Variants in SUPT7L observed in about 807,000 individuals in gnomAD.
SUPT7L encodes the protein STAGA complex 65 subunit gamma.
Under a neutral mutation model 35.7 loss-of-function variants are expected in SUPT7L, and 15 were observed. The ratio of observed to expected loss-of-function variants is 0.42; its 90% confidence interval spans 0.28 to 0.65. The LOEUF is 0.65. Ranked by LOEUF, SUPT7L falls within the 30% of genes least tolerant of loss-of-function variation. The pLI is 0.23. For missense variants in SUPT7L, 434 were observed against 522.2 expected, an observed-to-expected ratio of 0.83 and a Z score of 1.65; for synonymous variants, 168 against 186.2, an observed-to-expected ratio of 0.90 and a Z score of 0.79.
At chr2:27,656,885 C>T (rs1370413384) in intron 4 of SUPT7L, among the ~76,000 whole-genome samples, 11 of 152,184 alleles carry the variant, frequency 7.2e-5, no homozygotes, top group Admixed American at 7.2e-4. Context: ...GCAATCCTCC[C>T]ACCTCAGCTT....
chr2:27,660,677 AT>A (rs1397324313), intron 3 of SUPT7L, among the ~76,000 whole-genome samples: 1 of 152,202 alleles, frequency 6.6e-6, no homozygotes, highest in African/African-American at 2.4e-5. Context: ...TTTATATTAA[AT>A]AGAAAGACTA....
chr2:27,647,997 T>G, downstream of SUPT7L: 1 of 983,906 alleles, frequency 1.0e-6, no homozygotes, highest in South Asian at 1.3e-5. Context: ...TATCCTCACA[T>G]TGTTTGCCCA....
At chr2:27,655,211 C>T (rs1046564340) in intron 5 of SUPT7L, among the ~76,000 whole-genome samples, 154 bp downstream of exon 5, 1 of 152,190 alleles carries the variant, frequency 6.6e-6, no homozygotes, top group Non-Finnish European at 1.5e-5. Context: ...ATGCTGGGAT[C>T]TCTAGATAGG....
At chr2:27,661,728 G>A (rs539753619) in intron 2 of SUPT7L, 269 of 767,462 alleles carry the variant, frequency 3.5e-4, no homozygotes, top group Non-Finnish European at 4.4e-4. Flanking sequence ...ACAGCATCTG[G>A]AGCTCTAGTA....
intron 3 of SUPT7L, among the ~76,000 whole-genome samples, chr2:27,658,968 A>G (rs57124904): frequency 0.024 from 3,666 of 152,344 alleles, 153 homozygotes; most frequent in African/African-American, 0.084. Context: ...AAAACCAGGT[A>G]CAAACTTTTG....
In SUPT7L at chr2:27,657,815, CCTGCTGCTAT is replaced by C; in HGVS notation, c.420-156_420-147del. Reference sequence around the variant, plus strand: ...TCCAAGTTACATAGCTCAGTTTCATCCTGCTGCTATCTGGGCATGTCTTAGCAACCCATGG... The same window carrying C: ...TCCAAGTTACATAGCTCAGTTTCATCCTGGGCATGTCTTAGCAACCCATGG... On this transcript the variant is annotated intron_variant, in intron 3 of 5. Coordinates refer to ENST00000337768, the MANE Select transcript of SUPT7L (RefSeq NM_014860.3). The surrounding 1 kb of genome is among the most constrained non-coding windows in gnomAD (Gnocchi z 5.2). 1.3e-6 allele frequency: 1 copy of C among 768,424 alleles called. No homozygotes were observed. Among genetic ancestry groups the C allele is most frequent in the Non-Finnish European group, 2.1e-6 (1 of 487,774 alleles). 47.6% of individuals were successfully genotyped at this position (768,424 alleles called of 1,614,324 possible). A position where few individuals can be genotyped will look rare whatever the true frequency, so the allele number is the denominator to read the frequency against.
At chr2:27,655,136 G>A (rs1228061903) in intron 5 of SUPT7L, among the ~76,000 whole-genome samples, 1 of 152,092 alleles carries the variant, frequency 6.6e-6, no homozygotes, top group Non-Finnish European at 1.5e-5. Flanking sequence ...TCTTAACTAG[G>A]GATTATTTTA....
chr2:27,662,218 C>A lies in SUPT7L; in HGVS notation c.-26G>T, dbSNP rs771931099. ...TGTCCATATGTCTCTTCAAGTTCAA[C>A]AAACATTTATCAAATGCCAGGCATT... On this transcript the variant is annotated 5_prime_UTR_variant, in exon 2 of 6. Transcript: ENST00000337768. The A allele has an allele frequency of 6.9e-5, 111 of 1,613,518 alleles. No individual in the cohort carries two copies. The highest frequency in any genetic ancestry group is 9.2e-5 in the Non-Finnish European group (109 of 1,179,602).
At chr2:27,655,643 A>T in intron 4 of SUPT7L, 41 bp from the exon 5 acceptor site, 1 of 1,519,466 alleles carries the variant, frequency 6.6e-7, no homozygotes, top group African/African-American at 1.4e-5. Flanking sequence ...GAAATGTTAA[A>T]AGCAAGTTGG....
chr2:27,650,340 A>T (rs1674468489), downstream of SUPT7L: 1 of 531,356 alleles, frequency 1.9e-6, no homozygotes, highest in East Asian at 3.1e-5. Flanking sequence ...TTATTAGAGA[A>T]ATCTTGTGAC....
chr2:27,662,342 T>C, intron 1 of SUPT7L, 61 bp from the exon 2 acceptor site: 2 of 858,966 alleles, frequency 2.3e-6, no homozygotes, highest in Admixed American at 4.5e-5. Flanking sequence ...TAAGTACTGT[T>C]CTAGAGGTAT....
the SUPT7L span, among the ~76,000 whole-genome samples, chr2:27,643,403 T>C: frequency 6.6e-6 from 1 of 152,076 alleles, no homozygotes; most frequent in African/African-American, 2.4e-5. The surrounding 1 kb of genome is among the most constrained non-coding windows in gnomAD (Gnocchi z 4.0). Context: ...GATATAATAC[T>C]CTTTTACCTT....
chr2:27,648,019 C>A, downstream of SUPT7L: 1 of 822,114 alleles, frequency 1.2e-6, no homozygotes, highest in Non-Finnish European at 2.1e-6. Context: ...GAGTTTCTTG[C>A]TTTAAGCGTG....
chr2:27,645,022 C>T, the SUPT7L span, among the ~76,000 whole-genome samples: 1 of 152,076 alleles, frequency 6.6e-6, no homozygotes, highest in Non-Finnish European at 1.5e-5. Flanking sequence ...GGCTGGAGTG[C>T]AGTGGCGCAA....
chr2:27,647,728 A>C, downstream of SUPT7L: 1 of 669,648 alleles, frequency 1.5e-6, no homozygotes, highest in East Asian at 2.7e-5. Context: ...TCCTGCGTTT[A>C]TATGTATCAT....
chr2:27,642,965 A>ACACACACG, the SUPT7L span, among the ~76,000 whole-genome samples: 1 of 148,230 alleles, frequency 6.7e-6, no homozygotes, highest in Non-Finnish European at 1.5e-5. Context: ...ATATACACAC[A>ACACACACG]CACACACACA....
chr2:27,650,799 CAG>C (rs1310388735), downstream of SUPT7L: 2 of 152,798 alleles, frequency 1.3e-5, no homozygotes, highest in Non-Finnish European at 2.9e-5. Context: ...ATTAATGAAT[CAG>C]AATCCTGTTT....
At chr2:27,655,313 C>T in intron 5 of SUPT7L, 52 bp downstream of exon 5, 1 of 1,479,356 alleles carries the variant, frequency 6.8e-7, no homozygotes, top group Non-Finnish European at 9.0e-7. Context: ...GCAAAAAGTA[C>T]TGAAATTGGC....
chr2:27,655,028 AAAAAT>A (rs1232892365), intron 5 of SUPT7L, among the ~76,000 whole-genome samples: 1 of 152,224 alleles, frequency 6.6e-6, no homozygotes, highest in Non-Finnish European at 1.5e-5. Flanking sequence ...ACAGAATACT[AAAAAT>A]AAAATACTAA....
Sources: allele counts gnomAD v4.1 joint callset (sites outside exome capture counted in the v4.1 genomes callset), GRCh38; gene constraint gnomAD v4.1.1; non-coding constraint Gnocchi (gnomAD v3.1); transcripts MANE v1.5; gene names NCBI Gene and HGNC (gene_info 2026-07-23, HGNC 2026-07-21).